OXR1: variants seen among roughly 807,000 people sequenced by gnomAD.
OXR1 encodes oxidation resistance protein 1.
OXR1 carries 41 observed loss-of-function variants against 104.6 expected under a neutral mutation model. The ratio of observed to expected loss-of-function variants is 0.39; its 90% CI spans 0.31 to 0.51. The LOEUF (loss-of-function observed/expected upper bound fraction) is 0.51, where lower values mean the gene tolerates loss of function less well. Among genes scored for constraint, OXR1 ranks in the 20% least tolerant of loss-of-function variants. The pLI is 0.77. For missense variants in OXR1, 955 were observed against 1,031.9 expected, an observed-to-expected ratio of 0.93 and a Z score of 1.02; for synonymous variants, 348 against 348.4, an observed-to-expected ratio of 1.00 and a Z score of 0.01.
At chr8:106,326,603 G>A (rs1210464727) in intron 1 of OXR1, among the ~76,000 whole-genome samples, 2 of 152,304 alleles carry the variant, frequency 1.3e-5, no homozygotes, top group East Asian at 3.9e-4. Context: ...TGTCAAGGGA[G>A]GACTTCTTGA....
Position 106,486,771 on chromosome 8 carries a change from A to G in OXR1, c.24-32172A>G, listed in dbSNP as rs566507340. 1.2e-4 allele frequency among the ~76,000 whole-genome samples: 18 copies of G among 152,104 alleles called. No individual in the cohort carries two copies. In the South Asian group the frequency reaches 3.7e-3, roughly 32 times the overall value. ...TTCGTCTTGTCATTTGTTATTTAGG[A>G]AGAAGTAAAATTTGTGGGTTTCCAG... On this transcript the variant is annotated intron_variant, in intron 2 of 16. Transcript: ENST00000517566.
rs945333169 is a variant in OXR1, at chr8:106,502,338, A to G, written c.24-16605A>G. ...CAGAATTCAGGGCTCAAAACACTCT[A>G]TGAAAATCTGTTCGTCTGCTATAAG... On this transcript the variant is annotated intron_variant, in intron 2 of 16. Transcript: ENST00000517566. 3.9e-5 allele frequency among the ~76,000 whole-genome samples: 6 copies of G among 152,228 alleles called. No individual in the cohort carries two copies. The East Asian group carries it at 7.7e-4, about 20-fold the overall frequency.
At chr8:106,585,299 C>T (rs1190844914) in intron 3 of OXR1, among the ~76,000 whole-genome samples, 1 of 152,012 alleles carries the variant, frequency 6.6e-6, no homozygotes, top group East Asian at 1.9e-4. Flanking sequence ...ATCCAAGTCC[C>T]TTCTTTCAGT....
chr8:106,334,601 T>G (rs76324916), intron 1 of OXR1, among the ~76,000 whole-genome samples: 2 of 152,298 alleles, frequency 1.3e-5, no homozygotes, highest in African/African-American at 4.8e-5. Flanking sequence ...TTGAATTAGA[T>G]TGTTATAAAT....
intron 1 of OXR1, among the ~76,000 whole-genome samples, chr8:106,305,678 T>C (rs1813437550): frequency 6.6e-6 from 1 of 152,182 alleles, no homozygotes; most frequent in African/African-American, 2.4e-5. Context: ...TCTCATGTTT[T>C]TTTATCTGCC....
intron 1 of OXR1, among the ~76,000 whole-genome samples, chr8:106,294,412 A>AAAAAAAAAG (rs71307051): frequency 2.0e-3 from 269 of 131,236 alleles, no homozygotes; most frequent in African/African-American, 2.8e-3. Context: ...AAAAAAAAAA[A>AAAAAAAAAG]AAAGAAAGAA....
At position 106,740,916 on chromosome 8, in the gene OXR1, T is replaced by C. The variant is rs561579817; in HGVS notation, c.2316+421T>C. Reference sequence around the variant, plus strand: ...AACAAAAGCACAAATAAGAGTAATATTGGTTTGTTCTTCAAACAGCAAGTT... The same window carrying C: ...AACAAAAGCACAAATAAGAGTAATACTGGTTTGTTCTTCAAACAGCAAGTT... On this transcript the variant is annotated intron_variant, in intron 14 of 16. Transcript: ENST00000517566. 3.3e-5 allele frequency among the ~76,000 whole-genome samples: 5 copies of C among 152,224 alleles called. No individual in the cohort carries two copies. The East Asian group carries it at 5.8e-4, about 18-fold the overall frequency.
chr8:106,319,013 G>A (rs960713878), intron 1 of OXR1, among the ~76,000 whole-genome samples: 6 of 152,184 alleles, frequency 3.9e-5, no homozygotes, highest in Non-Finnish European at 8.8e-5. Context: ...TTTCTAATTA[G>A]CTTGTGTATT....
At chr8:106,720,276 C>G (rs895827547) in intron 11 of OXR1, among the ~76,000 whole-genome samples, 11 of 152,074 alleles carry the variant, frequency 7.2e-5, no homozygotes, top group African/African-American at 2.4e-4. Context: ...CAAATCAGAC[C>G]AATTAAATCA....
At chr8:106,672,713 G>A (rs1208707238) in intron 3 of OXR1, among the ~76,000 whole-genome samples, 1 of 152,118 alleles carries the variant, frequency 6.6e-6, no homozygotes, top group African/African-American at 2.4e-5. Flanking sequence ...GAGAAACCAG[G>A]TGGAGGGAAT....
intron 1 of OXR1, among the ~76,000 whole-genome samples, chr8:106,330,182 T>G (rs1011374624): frequency 6.6e-6 from 1 of 152,236 alleles, no homozygotes; most frequent in African/African-American, 2.4e-5. Flanking sequence ...CGTGCTTTTA[T>G]ATACTTAACA....
intron 2 of OXR1, among the ~76,000 whole-genome samples, chr8:106,444,001 AAAAC>A (rs1339661037): frequency 6.6e-6 from 1 of 152,330 alleles, no homozygotes; most frequent in African/African-American, 2.4e-5. Flanking sequence ...TTACAAGAAA[AAAAC>A]AAACAACTCC....
At chr8:106,354,757 A>G (rs1430053824) in intron 1 of OXR1, among the ~76,000 whole-genome samples, 1 of 152,196 alleles carries the variant, frequency 6.6e-6, no homozygotes, top group East Asian at 1.9e-4. Flanking sequence ...TTAATGATAC[A>G]GCAGCATCTA....
chr8:106,492,798 A>G (rs538094883), intron 2 of OXR1, among the ~76,000 whole-genome samples: 13 of 152,280 alleles, frequency 8.5e-5, no homozygotes, highest in African/African-American at 3.1e-4. Flanking sequence ...CTCAAATAGT[A>G]TATGTTCCAT....
intron 3 of OXR1, among the ~76,000 whole-genome samples, chr8:106,594,176 T>G (rs999305977): frequency 3.9e-5 from 6 of 152,206 alleles, no homozygotes; most frequent in Non-Finnish European, 7.3e-5. Flanking sequence ...TGTATTCAAT[T>G]GCTGAGGCTT....
At chr8:106,420,238 A>G (rs760370356) in intron 2 of OXR1, among the ~76,000 whole-genome samples, 1 of 152,058 alleles carries the variant, frequency 6.6e-6, no homozygotes, top group Non-Finnish European at 1.5e-5. Flanking sequence ...TGGAGGTCAT[A>G]TATCTTTATT....
chr8:106,705,216 C>T (rs1426403112), intron 8 of OXR1, among the ~76,000 whole-genome samples: 3 of 152,054 alleles, frequency 2.0e-5, no homozygotes, highest in African/African-American at 7.2e-5. Context: ...TGCCCGGTTC[C>T]AACACCCTAT....
At chr8:106,636,939 C>T (rs532009019) in intron 3 of OXR1, among the ~76,000 whole-genome samples, 8 of 152,178 alleles carry the variant, frequency 5.3e-5, no homozygotes, top group African/African-American at 1.9e-4. Flanking sequence ...CTTCTTTATT[C>T]TTCTAGTCAC....
At chr8:106,500,252 C>T (rs1811703027) in intron 2 of OXR1, among the ~76,000 whole-genome samples, 1 of 152,184 alleles carries the variant, frequency 6.6e-6, no homozygotes, top group Admixed American at 6.5e-5. Flanking sequence ...GAAAAAACAA[C>T]AAGGAAGTAA....
Sources: gnomAD v4.1 joint callset for allele counts (sites outside exome capture counted in the v4.1 genomes callset) on GRCh38, gnomAD v4.1.1 for gene constraint, MANE v1.5 for transcripts, NCBI Gene and HGNC (gene_info 2026-07-23, HGNC 2026-07-21) for gene names.